The following SERGEF variants were observed in gnomAD, a reference collection of about 807,000 sequenced individuals.
The protein encoded by SERGEF is secretion-regulating guanine nucleotide exchange factor.
In SERGEF, 51 loss-of-function variants were observed where a neutral mutation model predicts 50.0. The observed-to-expected ratio is 1.02, with a 90% CI of 0.81 to 1.29. The LOEUF is 1.29. SERGEF is among the 50% of genes most tolerant of loss of function. The pLI is 0.00. For missense variants in SERGEF, 521 were observed against 557.0 expected, an observed-to-expected ratio of 0.94 and a Z score of 0.65; for synonymous variants, 205 against 212.4, an observed-to-expected ratio of 0.97 and a Z score of 0.30.
chr11:17,954,427 C>T (rs1200944141), intron 9 of SERGEF, among the ~76,000 whole-genome samples: 2 of 152,156 alleles, frequency 1.3e-5, no homozygotes, highest in Non-Finnish European at 2.9e-5. Flanking sequence ...TGGTATTTCT[C>T]CTTCAGAAAT....
chr11:17,831,758 G>A (rs1039818703), intron 10 of SERGEF, among the ~76,000 whole-genome samples: 2 of 152,274 alleles, frequency 1.3e-5, no homozygotes, highest in Admixed American at 6.5e-5. Flanking sequence ...CTGAAGACAG[G>A]GTAAGTTTCC....
chr11:17,992,850 T>C (rs932339654), intron 7 of SERGEF, 81 bp downstream of exon 7: 1 of 1,191,378 alleles, frequency 8.4e-7, no homozygotes, highest in African/African-American at 1.5e-5. Flanking sequence ...ACATTCCCTC[T>C]GTATTTCAAT....
chr11:17,801,270 T>C (rs1449696357), intron 10 of SERGEF, among the ~76,000 whole-genome samples: 11 of 151,386 alleles, frequency 7.3e-5, no homozygotes, highest in Non-Finnish European at 1.6e-4. Flanking sequence ...AGTTAGAAGT[T>C]TGAGAATGCT....
At chr11:17,798,249 A>C (rs1229142228) in intron 10 of SERGEF, among the ~76,000 whole-genome samples, 2 of 152,116 alleles carry the variant, frequency 1.3e-5, no homozygotes, top group African/African-American at 4.8e-5. Flanking sequence ...TTCCCTCTAC[A>C]TAGGAGGAAA....
intron 9 of SERGEF, among the ~76,000 whole-genome samples, chr11:17,890,325 A>C (rs1035830609): frequency 2.0e-5 from 3 of 152,204 alleles, no homozygotes. Flanking sequence ...ATGAATTACA[A>C]CTGAAAGAGT....
chr11:17,931,497 A>G (rs1052399953), intron 9 of SERGEF, among the ~76,000 whole-genome samples: 1 of 152,154 alleles, frequency 6.6e-6, no homozygotes, highest in Non-Finnish European at 1.5e-5. Flanking sequence ...ACTAAATGCC[A>G]TTTAATATGT....
intron 4 of SERGEF, among the ~76,000 whole-genome samples, chr11:18,002,571 G>A (rs956877832): frequency 6.6e-6 from 1 of 152,122 alleles, no homozygotes; most frequent in African/African-American, 2.4e-5. Context: ...CCCAAGACGG[G>A]TAAACCTCTA....
intron 4 of SERGEF, chr11:18,002,198 G>A (rs1402014956): frequency 8.5e-6 from 3 of 351,852 alleles, no homozygotes; most frequent in African/African-American, 6.5e-5. Context: ...TGTGACTTCA[G>A]TCTCTTTAAC....
In SERGEF at chr11:17,878,140, C is replaced by A. The variant is rs1035159449; in HGVS notation, c.1048+68G>T. The A allele has an allele frequency of 4.3e-5, 53 of 1,236,748 alleles. No individual in the cohort carries two copies. The Middle Eastern group carries it at 5.6e-4, about 13-fold the overall frequency. The allele number at this position is 1,236,748 out of a possible 1,614,324, so 76.6% of individuals were successfully genotyped here. A position where few individuals can be genotyped will look rare whatever the true frequency, so the allele number is the denominator to read the frequency against. The stretch of plus-strand genomic sequence containing the variant: ...GCACGCACCATGGCTTTTGGTTAAC[C>A]AAAAGTCTTCTCCAATTCTGCCACA... On this transcript the variant is annotated intron_variant, in intron 10 of 10. Transcript: ENST00000265965.
rs555614548 is a variant in SERGEF at position 17,925,563 on chromosome 11, C to T, written c.1011+33907G>A. On this transcript the variant is annotated intron_variant, in intron 9 of 10. Transcript: ENST00000265965. Reference sequence around the variant, plus strand: ...TTTCAATCTAATTAGACAGAAAGAGCTAATGAGTAGGCAGCAATGGTGCTT... The same window carrying T: ...TTTCAATCTAATTAGACAGAAAGAGTTAATGAGTAGGCAGCAATGGTGCTT... Among the ~76,000 whole-genome samples, 5 of 152,294 alleles carry T rather than the reference C, an allele frequency of 3.3e-5. No homozygotes were observed. In the East Asian group the frequency reaches 9.6e-4, roughly 29 times the overall value.
At chr11:17,800,691 T>C (rs1249260589) in intron 10 of SERGEF, among the ~76,000 whole-genome samples, 2 of 152,164 alleles carry the variant, frequency 1.3e-5, no homozygotes, top group African/African-American at 4.8e-5. Context: ...GGGCAGGTAG[T>C]TGGGAAGTCC....
At chr11:17,911,249 T>C (rs1256262221) in intron 9 of SERGEF, among the ~76,000 whole-genome samples, 1 of 150,436 alleles carries the variant, frequency 6.6e-6, no homozygotes, top group East Asian at 1.9e-4. Context: ...GAGTAACTTG[T>C]ATGAGTGATG....
intron 10 of SERGEF, among the ~76,000 whole-genome samples, chr11:17,793,535 A>G (rs1344894209): frequency 6.6e-6 from 1 of 152,198 alleles, no homozygotes; most frequent in African/African-American, 2.4e-5. Flanking sequence ...CTGTTCTCAC[A>G]CAGAAGTAAG....
chr11:17,861,487 A>G (rs554534683), intron 10 of SERGEF, among the ~76,000 whole-genome samples: 9 of 152,344 alleles, frequency 5.9e-5, no homozygotes, highest in African/African-American at 2.2e-4. Context: ...AAATCATGCA[A>G]TCCTTCTGAG....
intron 9 of SERGEF, among the ~76,000 whole-genome samples, chr11:17,919,956 A>T (rs1445771260): frequency 1.3e-5 from 2 of 151,452 alleles, no homozygotes; most frequent in Non-Finnish European, 1.5e-5. Flanking sequence ...AAAAAAAAAA[A>T]AAAAACCGCA....
intron 9 of SERGEF, chr11:17,926,991 T>C (rs1014015783): frequency 5.3e-6 from 2 of 375,464 alleles, no homozygotes; most frequent in African/African-American, 4.2e-5. Flanking sequence ...CCTGTCACCA[T>C]GTTCTTTGGC....
intron 10 of SERGEF, among the ~76,000 whole-genome samples, chr11:17,830,317 G>A (rs1590140860): frequency 1.3e-5 from 2 of 152,254 alleles, no homozygotes; most frequent in Middle Eastern, 6.8e-3. Context: ...CTTTCTTCAG[G>A]GTTTGCCTTT....
At chr11:17,918,899 A>C (rs191822031) in intron 9 of SERGEF, 19 of 337,692 alleles carry the variant, frequency 5.6e-5, no homozygotes, top group South Asian at 9.0e-5. Context: ...TTATCCCCTT[A>C]GGTGAAGCAA....
chr11:17,815,996 A>T (rs1485451431), intron 10 of SERGEF, among the ~76,000 whole-genome samples: 1 of 152,220 alleles, frequency 6.6e-6, no homozygotes, highest in Non-Finnish European at 1.5e-5. Context: ...TTGCTAGTTA[A>T]TGAGTGGTCT....
Sources: gnomAD v4.1 joint callset for allele counts (sites outside exome capture counted in the v4.1 genomes callset) on GRCh38, gnomAD v4.1.1 for gene constraint, MANE v1.5 for transcripts, NCBI Gene and HGNC (gene_info 2026-07-23, HGNC 2026-07-21) for gene names.